Variants in GALNTL6 observed in about 807,000 individuals in gnomAD.
GALNTL6 encodes polypeptide N-acetylgalactosaminyltransferase-like 6.
In GALNTL6, 46 loss-of-function variants were observed where a neutral mutation model predicts 73.7. The ratio of observed to expected loss-of-function variants is 0.62; its 90% CI spans 0.49 to 0.80. GALNTL6 has a LOEUF of 0.80. Ranked by LOEUF, GALNTL6 falls within the 30% of genes least tolerant of loss-of-function variation. GALNTL6 has a pLI of 0.00. For synonymous variants in GALNTL6, 259 were observed against 263.7 expected, an observed-to-expected ratio of 0.98 and a Z score of 0.17; for missense variants, 604 against 755.0, an observed-to-expected ratio of 0.80 and a Z score of 2.34.
At chr4:172,296,904 TATTTCTAGTTCTAGATCCCTGAGGA>T (rs985578388) in intron 3 of GALNTL6, among the ~76,000 whole-genome samples, 5 of 152,158 alleles carry the variant, frequency 3.3e-5, no homozygotes, top group African/African-American at 1.2e-4. Flanking sequence ...GGTCAAATGG[TATTTCTAGTTCTAGATCCCTGAGGA>T]ATCACCACAC....
chr4:172,971,465 T>A (rs1002911090), intron 10 of GALNTL6, among the ~76,000 whole-genome samples: 17 of 152,116 alleles, frequency 1.1e-4, no homozygotes, highest in African/African-American at 3.4e-4. Flanking sequence ...GGCTACAGGA[T>A]GGAGGAATAT....
intron 7 of GALNTL6, among the ~76,000 whole-genome samples, chr4:172,868,475 C>G (rs1744768801): frequency 6.6e-6 from 1 of 152,126 alleles, no homozygotes; most frequent in South Asian, 2.1e-4. Context: ...AATTGTCTGC[C>G]TTTTTATAAC....
At chr4:172,912,308 C>A (rs1205971698) in intron 8 of GALNTL6, among the ~76,000 whole-genome samples, 3 of 152,214 alleles carry the variant, frequency 2.0e-5, no homozygotes, top group Non-Finnish European at 2.9e-5. Context: ...GTCAGCAACG[C>A]AGAAGACGGG....
intron 3 of GALNTL6, among the ~76,000 whole-genome samples, chr4:172,287,232 T>C (rs1262089775): frequency 6.6e-6 from 1 of 152,196 alleles, no homozygotes; most frequent in Non-Finnish European, 1.5e-5. Flanking sequence ...AATGTATCCA[T>C]GTGTCTCTTT....
intron 2 of GALNTL6, among the ~76,000 whole-genome samples, chr4:171,949,834 G>A (rs1301190423): frequency 1.3e-5 from 2 of 152,092 alleles, no homozygotes; most frequent in East Asian, 3.8e-4. Context: ...GGATAAAATG[G>A]TAGAATGCGT....
intron 5 of GALNTL6, among the ~76,000 whole-genome samples, chr4:172,551,332 C>A (rs1297511712): frequency 1.3e-5 from 2 of 152,026 alleles, no homozygotes; most frequent in Non-Finnish European, 2.9e-5. Context: ...ACCAATTACA[C>A]CCCATTGATT....
intron 5 of GALNTL6, among the ~76,000 whole-genome samples, chr4:172,646,823 T>C (rs2111138408): frequency 6.6e-6 from 1 of 152,180 alleles, no homozygotes; most frequent in East Asian, 1.9e-4. Context: ...GATGTTAATA[T>C]TTAGGAGCTC....
intron 3 of GALNTL6, among the ~76,000 whole-genome samples, chr4:172,262,042 T>C (rs1241949093): frequency 6.6e-6 from 1 of 151,410 alleles, no homozygotes; most frequent in Non-Finnish European, 1.5e-5. Flanking sequence ...AATGGCTTGT[T>C]TGTGGCTTAT....
intron 5 of GALNTL6, among the ~76,000 whole-genome samples, chr4:172,512,644 C>T (rs1734466301): frequency 6.6e-6 from 1 of 152,054 alleles, no homozygotes; most frequent in Admixed American, 6.6e-5. Context: ...TTGGTAGTGG[C>T]AAGTTCTCTC....
At chr4:171,829,398 T>TA (rs1560804551) in intron 2 of GALNTL6, among the ~76,000 whole-genome samples, 1 of 152,098 alleles carries the variant, frequency 6.6e-6, no homozygotes, top group Non-Finnish European at 1.5e-5. Flanking sequence ...ATTGGACTCT[T>TA]ACAGCTTCAG....
chr4:172,416,040 G>A (rs1314559674), intron 5 of GALNTL6, among the ~76,000 whole-genome samples: 2 of 152,000 alleles, frequency 1.3e-5, no homozygotes, highest in African/African-American at 4.8e-5. Context: ...TATGAGGGGT[G>A]GTCTCCTCCC....
intron 5 of GALNTL6, among the ~76,000 whole-genome samples, chr4:172,445,530 C>T (rs948969612): frequency 2.0e-5 from 3 of 152,122 alleles, no homozygotes; most frequent in Non-Finnish European, 2.9e-5. Flanking sequence ...TAGCATAAAA[C>T]TGTCTTTGTA....
At chr4:172,672,810 T>C (rs1030653049) in intron 5 of GALNTL6, among the ~76,000 whole-genome samples, 4 of 152,206 alleles carry the variant, frequency 2.6e-5, no homozygotes, top group Admixed American at 6.5e-5. Context: ...TTTGTGTGCG[T>C]AGAGGTGTTA....
rs902322627 is a variant in GALNTL6, at chr4:172,131,534, A to AT, written c.139-98121dup. 6.0e-5 allele frequency among the ~76,000 whole-genome samples: 9 copies of AT among 149,538 alleles called. No homozygotes were observed. In the South Asian group the frequency reaches 8.4e-4, roughly 14 times the overall value. ...TGTGCATATATATACACACACACAC[A>AT]TATGTGTTTGTGTGTGTATGCTTTT... On this transcript the variant is annotated intron_variant, in intron 2 of 12. Transcript: ENST00000506823.
At chr4:172,030,339 A>C (rs894365084) in intron 2 of GALNTL6, among the ~76,000 whole-genome samples, 1 of 152,078 alleles carries the variant, frequency 6.6e-6, no homozygotes, top group African/African-American at 2.4e-5. Flanking sequence ...ATCCTGCGGC[A>C]TGTCAAGCAA....
intron 5 of GALNTL6, among the ~76,000 whole-genome samples, chr4:172,408,037 T>C (rs2111337695): frequency 6.6e-6 from 1 of 152,182 alleles, no homozygotes; most frequent in East Asian, 1.9e-4. Flanking sequence ...ACTGCCTTTT[T>C]CTTGCTAATA....
chr4:172,696,444 C>A (rs1733699417), intron 5 of GALNTL6, among the ~76,000 whole-genome samples: 2 of 152,134 alleles, frequency 1.3e-5, no homozygotes, highest in Non-Finnish European at 2.9e-5. Flanking sequence ...TTCTACACAA[C>A]AGATTGATAT....
chr4:172,809,450 AC>A lies in GALNTL6; in HGVS notation c.646del (p.Arg216ValfsTer13). The part of the protein sequence containing the change: ...RTKKREGLIR[T>X]RLLGASMARG... ...CAAGAAAAGAGAAGGACTCATCCGG[AC>A]CCGTCTCCTGGGGGCATCTATGGCC... On this transcript the variant is annotated frameshift_variant, in exon 6 of 13. Transcript: ENST00000506823. LOFTEE classifies it high-confidence loss of function. This position sits in a 1 kb window ranked among gnomAD's most constrained non-coding sequence, Gnocchi z 4.4. The A allele has an allele frequency of 1.2e-6, 2 of 1,613,866 alleles. No homozygotes were observed. The highest frequency in any genetic ancestry group is 1.7e-6 in the Non-Finnish European group (2 of 1,179,840).
intron 2 of GALNTL6, among the ~76,000 whole-genome samples, chr4:171,950,594 C>G (rs963577410): frequency 6.6e-6 from 1 of 151,814 alleles, no homozygotes; most frequent in Non-Finnish European, 1.5e-5. Context: ...ATTCTCCTGC[C>G]TCAGCCTCCC....
Sources: gnomAD v4.1 joint callset for allele counts (sites outside exome capture counted in the v4.1 genomes callset) on GRCh38, gnomAD v4.1.1 for gene constraint, Gnocchi (gnomAD v3.1) non-coding constraint, MANE v1.5 for transcripts, NCBI Gene and HGNC (gene_info 2026-07-23, HGNC 2026-07-21) for gene names.